SLC44A1: variants seen among roughly 807,000 people sequenced by gnomAD.
The protein encoded by SLC44A1 is choline transporter-like protein 1.
A neutral mutation model predicts 79.3 loss-of-function variants in SLC44A1; 26 were observed. The ratio of observed to expected loss-of-function variants is 0.33; its 90% CI spans 0.24 to 0.46. The LOEUF (loss-of-function observed/expected upper bound fraction) is 0.46, where lower values mean the gene tolerates loss of function less well. Among genes scored for constraint, SLC44A1 ranks in the 20% least tolerant of loss-of-function variants. SLC44A1 has a pLI of 1.00. For synonymous variants in SLC44A1, 263 were observed against 286.2 expected (o/e 0.92, Z 0.82); for missense variants, 688 against 798.1 (o/e 0.86, Z 1.66).
intron 1 of SLC44A1, among the ~76,000 whole-genome samples, chr9:105,258,505 G>C (rs758666232): frequency 2.0e-4 from 31 of 152,246 alleles, no homozygotes; most frequent in Non-Finnish European, 3.1e-4. Flanking sequence ...GAAAGGCTAG[G>C]TACCTTGACT....
chr9:105,324,286 T>TGTGGTCTG (rs1491480559), intron 3 of SLC44A1, among the ~76,000 whole-genome samples: 3 of 151,478 alleles, frequency 2.0e-5, no homozygotes, highest in African/African-American at 7.3e-5. Flanking sequence ...AGTTTCACTC[T>TGTGGTCTG]GTGGTCTAGG....
chr9:105,386,091 A>G (rs1828619196), intron 15 of SLC44A1: 1 of 985,224 alleles, frequency 1.0e-6, no homozygotes, highest in Non-Finnish European at 1.2e-6. Context: ...CAGTAAGACA[A>G]TCTAGTCTTC....
chr9:105,433,228 G>A (rs145269547), intron 15 of SLC44A1, among the ~76,000 whole-genome samples: 1 of 152,216 alleles, frequency 6.6e-6, no homozygotes, highest in Non-Finnish European at 1.5e-5. Context: ...CCCAGGAGGT[G>A]GAGGTTGCAG....
chr9:105,434,443 A>G (rs1829438036), intron 15 of SLC44A1, among the ~76,000 whole-genome samples: 1 of 152,264 alleles, frequency 6.6e-6, no homozygotes, highest in Non-Finnish European at 1.5e-5. Flanking sequence ...AAGGGTTGAA[A>G]GATGAATTTG....
At chr9:105,436,520 A>G (rs1371769584) in intron 15 of SLC44A1, among the ~76,000 whole-genome samples, 1 of 152,194 alleles carries the variant, frequency 6.6e-6, no homozygotes, top group African/African-American at 2.4e-5. Flanking sequence ...GTTTGAGGTT[A>G]CAGTGAGCTA....
chr9:105,309,006 T>C (rs1202420417), intron 2 of SLC44A1, among the ~76,000 whole-genome samples: 1 of 152,194 alleles, frequency 6.6e-6, no homozygotes, highest in Non-Finnish European at 1.5e-5. Context: ...CATATTCCCA[T>C]GAAATGAAGT....
chr9:105,352,208 A>G (rs1827471752), intron 5 of SLC44A1, among the ~76,000 whole-genome samples: 1 of 152,234 alleles, frequency 6.6e-6, no homozygotes, highest in Non-Finnish European at 1.5e-5. Context: ...ACTGTACTAT[A>G]GAGATATTGC....
chr9:105,336,264 T>C (rs1826918034), intron 4 of SLC44A1, among the ~76,000 whole-genome samples: 1 of 152,120 alleles, frequency 6.6e-6, no homozygotes, highest in Non-Finnish European at 1.5e-5. Flanking sequence ...CAGTACTTTT[T>C]CAATGAGTCG....
intron 15 of SLC44A1, among the ~76,000 whole-genome samples, chr9:105,414,085 C>T (rs1829135293): frequency 6.8e-6 from 1 of 146,132 alleles, no homozygotes; most frequent in African/African-American, 2.5e-5. Context: ...TTTTTTGAGA[C>T]AGAGTCTTGC....
intron 1 of SLC44A1, among the ~76,000 whole-genome samples, chr9:105,265,080 G>C (rs573217276): frequency 6.6e-6 from 1 of 152,184 alleles, no homozygotes; most frequent in African/African-American, 2.4e-5. Context: ...ACAGGTGTGA[G>C]CCACCGTGCC....
chr9:105,244,845 C>T lies in SLC44A1; in HGVS notation c.-24C>T. ...GGGCGTAGCTGCGCGCCCGGCGCCGCCTCCGGGCTCCTTCGGCCCCGCCAT... is the reference window on the plus strand; with the variant it reads ...GGGCGTAGCTGCGCGCCCGGCGCCGTCTCCGGGCTCCTTCGGCCCCGCCAT... On this transcript the variant is annotated 5_prime_UTR_variant, in exon 1 of 16. Transcript: ENST00000374720. 8.9e-7 allele frequency: 1 copy of T among 1,122,226 alleles called. No individual in the cohort carries two copies. The highest frequency in any genetic ancestry group is 1.1e-6 in the Non-Finnish European group (1 of 919,534). The allele number at this position is 1,122,226 out of a possible 1,614,324, so 69.5% of individuals were successfully genotyped here.
chr9:105,280,561 C>T (rs775730509), intron 1 of SLC44A1, among the ~76,000 whole-genome samples: 6 of 152,170 alleles, frequency 3.9e-5, no homozygotes, highest in South Asian at 2.1e-4. Context: ...TCACACTATA[C>T]GTCAAAATAA....
At chr9:105,358,541 A>G in intron 7 of SLC44A1, 108 bp downstream of exon 7, 1 of 682,548 alleles carries the variant, frequency 1.5e-6, no homozygotes, top group Non-Finnish European at 2.6e-6. Flanking sequence ...TATATCCTCA[A>G]GGAAGACTGT....
intron 3 of SLC44A1, among the ~76,000 whole-genome samples, chr9:105,333,347 C>G (rs1017701794): frequency 6.6e-6 from 1 of 152,186 alleles, no homozygotes; most frequent in Non-Finnish European, 1.5e-5. Context: ...CTCAATGCCT[C>G]TCTCCCATCC....
chr9:105,375,704 C>A (rs1828258175), intron 13 of SLC44A1, among the ~76,000 whole-genome samples: 1 of 152,012 alleles, frequency 6.6e-6, no homozygotes, highest in Non-Finnish European at 1.5e-5. Flanking sequence ...CTTATACTTT[C>A]CTTAGAAGTG....
intron 1 of SLC44A1, among the ~76,000 whole-genome samples, chr9:105,288,556 C>T (rs1360310195): frequency 6.6e-6 from 1 of 152,112 alleles, no homozygotes; most frequent in African/African-American, 2.4e-5. Flanking sequence ...ACTATGTTGC[C>T]CAGGCTGGTA....
chr9:105,289,469 CAT>C (rs1190917958), intron 1 of SLC44A1, among the ~76,000 whole-genome samples: 1 of 152,122 alleles, frequency 6.6e-6, no homozygotes, highest in Admixed American at 6.5e-5. Context: ...ACTGGGAAAA[CAT>C]AAATAATTAT....
At chr9:105,278,166 A>G (rs1392892466) in intron 1 of SLC44A1, among the ~76,000 whole-genome samples, 4 of 151,598 alleles carry the variant, frequency 2.6e-5, no homozygotes, top group African/African-American at 9.7e-5. Context: ...GGCTCAAGCG[A>G]TTCTCCTGCC....
At chr9:105,372,721 C>A (rs973800889) in intron 12 of SLC44A1, among the ~76,000 whole-genome samples, 11 of 148,306 alleles carry the variant, frequency 7.4e-5, no homozygotes, top group Admixed American at 7.4e-4. Context: ...GAGGCCAAGG[C>A]GGGCGGATCA....
Sources: allele counts gnomAD v4.1 joint callset (sites outside exome capture counted in the v4.1 genomes callset), GRCh38; gene constraint gnomAD v4.1.1; transcripts MANE v1.5; gene names NCBI Gene and HGNC (gene_info 2026-07-23, HGNC 2026-07-21).